TMEM131: variants seen among roughly 807,000 people sequenced by gnomAD.
TMEM131 encodes 2610524E03Rik.
In TMEM131, 66 loss-of-function variants were observed where a neutral mutation model predicts 211.6. That is an observed-to-expected ratio of 0.31 (90% CI 0.26 to 0.38). TMEM131 has a LOEUF of 0.38. Among genes scored for constraint, TMEM131 ranks in the 10% least tolerant of loss-of-function variants. The probability of loss-of-function intolerance (pLI) is 1.00; values close to 1 mark genes in which losing one functional copy is unlikely to be tolerated. For synonymous variants in TMEM131, 844 were observed against 841.3 expected (o/e 1.00, Z -0.06); for missense variants, 2,036 against 2,299.3 (o/e 0.89, Z 2.34).
intron 11 of TMEM131, among the ~76,000 whole-genome samples, chr2:97,826,120 T>C (rs1233823632): frequency 6.6e-6 from 1 of 152,196 alleles, no homozygotes; most frequent in Non-Finnish European, 1.5e-5. Flanking sequence ...ATCCTGAACT[T>C]AACCTATATA....
At chr2:97,824,508 CT>C (rs1682282364) in intron 11 of TMEM131, among the ~76,000 whole-genome samples, 1 of 152,230 alleles carries the variant, frequency 6.6e-6, no homozygotes, top group East Asian at 1.9e-4. Context: ...AGACTTTGCT[CT>C]TTTCACATGC....
intron 29 of TMEM131, among the ~76,000 whole-genome samples, chr2:97,794,272 G>C (rs892685801): frequency 6.6e-6 from 1 of 152,020 alleles, no homozygotes; most frequent in Non-Finnish European, 1.5e-5. Context: ...CTGACCTCAG[G>C]TGATCTGCCC....
At position 97,796,979 on chromosome 2, in the gene TMEM131, G is replaced by C. The variant is rs761640012; in HGVS notation, c.2878C>G (p.Leu960Val). 8.1e-6 allele frequency: 13 copies of C among 1,609,086 alleles called. No individual in the cohort carries two copies. In the Admixed American group the frequency reaches 2.0e-4, roughly 25 times the overall value. ...VSSLIIVRNN[L>V]TVMDAVMVQG... ...ACCATCACAGCATCCATCACAGTCA[G>C]GTTATTTCTATGCAAGAATGAGAAT... Residue 960 changes from leucine to valine, a missense_variant, in exon 27 of 41, where the codon CTG becomes GTG. Leu to Val is a conservative substitution (Grantham distance 32, BLOSUM62 1). This residue lies in a region of TMEM131 where 1,623 missense variants were observed against 1,805.9 expected (regional missense o/e 0.90). Transcript: ENST00000186436.
At chr2:97,866,411 T>C (rs937657698) in intron 4 of TMEM131, among the ~76,000 whole-genome samples, 2 of 152,244 alleles carry the variant, frequency 1.3e-5, no homozygotes, top group Non-Finnish European at 2.9e-5. Context: ...TTTTAGTAAT[T>C]TGAGTCTTTT....
intron 5 of TMEM131, among the ~76,000 whole-genome samples, chr2:97,849,713 C>CAA (rs1394269626): frequency 0.018 from 2,478 of 134,624 alleles, 52 homozygotes; most frequent in African/African-American, 0.066. Context: ...ATATCTCTCT[C>CAA]TCTCTTTTTT....
chr2:97,816,005 C>T, intron 12 of TMEM131, among the ~76,000 whole-genome samples: 1 of 152,028 alleles, frequency 6.6e-6, no homozygotes, highest in Non-Finnish European at 1.5e-5. Flanking sequence ...TTATATTGTC[C>T]TCATCTTAGA....
At chr2:97,957,028 C>T (rs1678599882) in intron 1 of TMEM131, among the ~76,000 whole-genome samples, 1 of 149,366 alleles carries the variant, frequency 6.7e-6, no homozygotes, top group African/African-American at 2.5e-5. Flanking sequence ...ACCCGGGAGG[C>T]GGAGGTTGCA....
chr2:97,798,687 T>C (rs1005321369), intron 25 of TMEM131, among the ~76,000 whole-genome samples: 1 of 152,244 alleles, frequency 6.6e-6, no homozygotes, highest in Non-Finnish European at 1.5e-5. Context: ...TTTTGCATCC[T>C]GAAAACTGTA....
rs557772872 is a variant in TMEM131 at position 97,939,343 on chromosome 2, A to G, written c.188-11856T>C. Among the ~76,000 whole-genome samples the G allele has an allele frequency of 5.2e-4, 79 of 152,294 alleles. 1 individual carries two copies. The highest frequency in any genetic ancestry group is 1.8e-3 in the African/African-American group (74 of 41,568). On this transcript the variant is annotated intron_variant, in intron 1 of 40. Coordinates refer to ENST00000186436, the MANE Select transcript of TMEM131 (RefSeq NM_015348.2). ...GACGCAATAAAAAATGATAAAGGAG[A>G]TATCACCACCGATCCCACAGAAATA...
chr2:97,853,935 G>A (rs1573462898), intron 5 of TMEM131, among the ~76,000 whole-genome samples: 1 of 152,208 alleles, frequency 6.6e-6, no homozygotes, highest in Admixed American at 6.5e-5. Flanking sequence ...GACAATGACA[G>A]CAAAGAACTT....
rs943157150 is a variant in TMEM131, at chr2:97,758,451, G to A, written c.5367+442C>T. Among the ~76,000 whole-genome samples the A allele has an allele frequency of 1.6e-4, 24 of 152,234 alleles. 1 individual carries two copies. The highest frequency in any genetic ancestry group is 5.8e-4 in the African/African-American group (24 of 41,470). On this transcript the variant is annotated intron_variant, in intron 40 of 40. Coordinates refer to ENST00000186436, the MANE Select transcript of TMEM131 (RefSeq NM_015348.2). ...GCACTCTTGAAAATCTAACCTAAGA[G>A]ACAGGTGCTTCTCAGCAACAAAGTA... is the stretch of plus-strand genomic sequence containing the variant.
At chr2:97,778,044 T>A (rs2104827524) in intron 31 of TMEM131, among the ~76,000 whole-genome samples, 1 of 152,260 alleles carries the variant, frequency 6.6e-6, no homozygotes, top group Non-Finnish European at 1.5e-5. Context: ...GTTCCCCATA[T>A]AATAAACTTC....
chr2:97,812,186 T>A (rs546670859), intron 17 of TMEM131, among the ~76,000 whole-genome samples: 1 of 152,258 alleles, frequency 6.6e-6, no homozygotes, highest in Non-Finnish European at 1.5e-5. Flanking sequence ...TAAAAATTTG[T>A]GTGTTATAGA....
At position 97,908,681 on chromosome 2, in the gene TMEM131, T is replaced by C. The variant is rs764908794; in HGVS notation, c.267A>G (p.Gly89=). 33 of 1,605,706 alleles carry C rather than the reference T, an allele frequency of 2.1e-5. No individual in the cohort carries two copies. The highest frequency in any genetic ancestry group is 6.7e-5 in the Admixed American group (4 of 59,766). ...GGLLQTETTL[G]LSSYQQKSIS... ...ACCTTTTCTGCTGATATGAACTGAG[T>C]CCAAGTGTTGTCTCGGTCTGTAAAA... is the stretch of plus-strand genomic sequence containing the variant. The change falls in exon 3 of 41, where the codon GGA becomes GGG. Residue 89 remains glycine, a synonymous_variant. Transcript: ENST00000186436.
At chr2:97,981,779 T>C (rs1679810722) in intron 1 of TMEM131, among the ~76,000 whole-genome samples, 3 of 152,302 alleles carry the variant, frequency 2.0e-5, no homozygotes, top group Non-Finnish European at 4.4e-5. Context: ...ATTCTGGACA[T>C]TTCATATAAA....
At chr2:97,945,960 T>C (rs1454915774) in intron 1 of TMEM131, among the ~76,000 whole-genome samples, 1 of 152,150 alleles carries the variant, frequency 6.6e-6, no homozygotes. Context: ...ACAGATTAAA[T>C]GTGCCAAGAA....
At chr2:97,798,174 T>TA (rs1292637703) in intron 25 of TMEM131, among the ~76,000 whole-genome samples, 3 of 152,274 alleles carry the variant, frequency 2.0e-5, no homozygotes, top group Admixed American at 2.0e-4. Context: ...TAGCTTAGTT[T>TA]AATATTCAAA....
chr2:97,989,666 A>G (rs1363706933), intron 1 of TMEM131, among the ~76,000 whole-genome samples: 1 of 152,228 alleles, frequency 6.6e-6, no homozygotes. Flanking sequence ...ATAAAAACGT[A>G]GGTTTCATAC....
At chr2:97,968,610 G>A (rs1283478282) in intron 1 of TMEM131, among the ~76,000 whole-genome samples, 1 of 152,170 alleles carries the variant, frequency 6.6e-6, no homozygotes, top group African/African-American at 2.4e-5. Flanking sequence ...GCCAAGCAGT[G>A]CTGACATGTT....
Sources: allele counts gnomAD v4.1 joint callset (sites outside exome capture counted in the v4.1 genomes callset), GRCh38; gene constraint gnomAD v4.1.1; regional missense constraint gnomAD v4.1.1; transcripts MANE v1.5; gene names NCBI Gene and HGNC (gene_info 2026-07-23, HGNC 2026-07-21).